The following SPG21 variants were observed in gnomAD, a reference collection of about 807,000 sequenced individuals.
SPG21 encodes maspardin.
Under a neutral mutation model 38.9 loss-of-function variants are expected in SPG21, and 26 were observed. The ratio of observed to expected loss-of-function variants is 0.67; its 90% confidence interval spans 0.49 to 0.93. The LOEUF (loss-of-function observed/expected upper bound fraction) is 0.93, where lower values mean the gene tolerates loss of function less well. Ranked by LOEUF, SPG21 falls within the 40% of genes least tolerant of loss-of-function variation. The pLI is 0.00. For synonymous variants in SPG21, 136 were observed against 128.9 expected (o/e 1.05, Z -0.37); for missense variants, 333 against 376.5 (o/e 0.88, Z 0.96).
chr15:64,974,514 T>C, intron 5 of SPG21, 88 bp downstream of exon 5: 2 of 1,489,300 alleles, frequency 1.3e-6, no homozygotes, highest in Non-Finnish European at 1.9e-6. Context: ...TAGAAGTAGA[T>C]ATAAGTCTTC....
intron 2 of SPG21, chr15:64,982,812 C>G (rs2085908341): frequency 6.6e-6 from 1 of 152,188 alleles, no homozygotes; most frequent in African/African-American, 2.4e-5. Flanking sequence ...TCATTGCAAA[C>G]AGAAGCTCTA....
At chr15:64,986,801 C>A (rs2086004594) in intron 1 of SPG21, among the ~76,000 whole-genome samples, 1 of 152,156 alleles carries the variant, frequency 6.6e-6, no homozygotes, top group African/African-American at 2.4e-5. Flanking sequence ...TTGAAAGCAA[C>A]TAGCACATAT....
chr15:64,985,842 G>A (rs2085981788), intron 1 of SPG21, among the ~76,000 whole-genome samples: 2 of 152,170 alleles, frequency 1.3e-5, no homozygotes. Context: ...GAACCCCGAG[G>A]AGACAGCAGA....
At chr15:64,983,708 T>A in intron 1 of SPG21, 115 bp from the exon 2 acceptor site, 2 of 707,604 alleles carry the variant, frequency 2.8e-6, no homozygotes, top group East Asian at 5.6e-5. Context: ...CCAAGGAAAC[T>A]GGCTATTTTG....
intron 4 of SPG21, among the ~76,000 whole-genome samples, 196 bp from the exon 5 acceptor site, chr15:64,974,943 C>G (rs1157408572): frequency 6.6e-6 from 1 of 152,038 alleles, no homozygotes; most frequent in Non-Finnish European, 1.5e-5. Flanking sequence ...GATAATACAA[C>G]TTGGCATCCA....
chr15:64,965,551 T>C (rs1229431836), intron 7 of SPG21, 91 bp from the exon 8 acceptor site: 13 of 1,562,888 alleles, frequency 8.3e-6, no homozygotes, highest in Non-Finnish European at 1.1e-5. Context: ...TTTAATATGT[T>C]CTTTTCACAT....
intron 3 of SPG21, among the ~76,000 whole-genome samples, chr15:64,979,640 C>T (rs554133176): frequency 1.4e-4 from 21 of 152,134 alleles, no homozygotes; most frequent in African/African-American, 5.1e-4. Flanking sequence ...GTGGTAACCT[C>T]AGTAGAATTT....
intron 3 of SPG21, among the ~76,000 whole-genome samples, chr15:64,980,190 T>C (rs1047667022): frequency 1.6e-4 from 24 of 152,212 alleles, no homozygotes; most frequent in South Asian, 6.2e-4. Context: ...CGGAGCTCAG[T>C]TCCTCCCTCC....
Position 64,978,352 on chromosome 15 carries a change from G to A in SPG21, c.226-1797C>T, listed in dbSNP as rs562008456. On this transcript the variant is annotated intron_variant, in intron 3 of 8. Coordinates refer to ENST00000204566, the MANE Select transcript of SPG21 (RefSeq NM_016630.7). ...TAATCCCAGCTACTGGGGAAGCTGA[G>A]GCATGAGAATTGCTTGAGCCTGAGA... 7.9e-5 allele frequency among the ~76,000 whole-genome samples: 12 copies of A among 152,048 alleles called. No individual in the cohort carries two copies. The East Asian group carries it at 2.4e-3, about 30-fold the overall frequency.
At chr15:64,986,105 C>T (rs1045432708) in intron 1 of SPG21, among the ~76,000 whole-genome samples, 7 of 152,174 alleles carry the variant, frequency 4.6e-5, no homozygotes, top group African/African-American at 1.7e-4. Flanking sequence ...CAGTGGCTCA[C>T]GCCTGTAATC....
intron 5 of SPG21, among the ~76,000 whole-genome samples, chr15:64,970,968 G>T (rs184003185): frequency 0.02 from 3,119 of 152,150 alleles, 72 homozygotes; most frequent in Non-Finnish European, 0.027. Flanking sequence ...GTGAACTCCT[G>T]GCCTCAAGTG....
At position 64,971,636 on chromosome 15, in the gene SPG21, G is replaced by C. The variant is rs1277661200; in HGVS notation, c.453-1414C>G. Among the ~76,000 whole-genome samples, 6 of 151,980 alleles carry C rather than the reference G, an allele frequency of 3.9e-5. No homozygotes were observed. The South Asian group carries it at 1.2e-3, about 32-fold the overall frequency. On this transcript the variant is annotated intron_variant, in intron 5 of 8. Transcript: ENST00000204566. ...GGTGATCACAAGGTCAGGAGTTCAA[G>C]ACCAGCCTGGCCAAGATGGTGAAAC... is the stretch of plus-strand genomic sequence containing the variant.
chr15:64,972,927 C>T (rs538863598), intron 5 of SPG21, among the ~76,000 whole-genome samples: 4 of 152,268 alleles, frequency 2.6e-5, no homozygotes, highest in South Asian at 4.1e-4. Context: ...TTTCCCTATA[C>T]ATTATTTGAA....
intron 3 of SPG21, among the ~76,000 whole-genome samples, chr15:64,976,931 G>A (rs1389466496): frequency 6.6e-6 from 1 of 152,196 alleles, no homozygotes; most frequent in Non-Finnish European, 1.5e-5. Context: ...TTATGGCTCA[G>A]GAGAGATGGA....
rs866599702 is a variant in SPG21, at chr15:64,973,067, G to A, written c.452+1535C>T. 3.3e-5 allele frequency among the ~76,000 whole-genome samples: 5 copies of A among 152,092 alleles called. No individual in the cohort carries two copies. In the East Asian group the frequency reaches 5.8e-4, roughly 18 times the overall value. ...CAGCCTTGAACTCTTGGGCTCAAGCGATCCTCCTGCCTCAGCCTCCTGAGT... is the reference window on the plus strand; with the variant it reads ...CAGCCTTGAACTCTTGGGCTCAAGCAATCCTCCTGCCTCAGCCTCCTGAGT... On this transcript the variant is annotated intron_variant, in intron 5 of 8. Coordinates refer to ENST00000204566, the MANE Select transcript of SPG21 (RefSeq NM_016630.7).
intron 3 of SPG21, among the ~76,000 whole-genome samples, chr15:64,980,258 G>A (rs191581380): frequency 3.3e-5 from 5 of 152,126 alleles, no homozygotes; most frequent in African/African-American, 9.7e-5. Context: ...GAAGGACAAC[G>A]CTTCCTACCG....
In SPG21 at chr15:64,963,728, C is replaced by A. The variant is rs2140402170; in HGVS notation, c.819G>T (p.Leu273Phe). The change falls in exon 9 of 9, where the codon TTG (leucine) becomes TTT (phenylalanine). Residue 273 changes from leucine to phenylalanine, a missense_variant. By Grantham distance (22) the Leu-to-Phe change is conservative. Transcript: ENST00000204566. ...AEVNLYVQIH[L>F]LQFHGTKYAA... ...CGTATTTGGTTCCATGGAATTGCAGCAAATGTATCTGTTGAAATGCAGAAT... is the reference window on the plus strand; with the variant it reads ...CGTATTTGGTTCCATGGAATTGCAGAAAATGTATCTGTTGAAATGCAGAAT... The A allele has an allele frequency of 3.1e-6, 5 of 1,613,562 alleles. No homozygotes were observed. The highest frequency in any genetic ancestry group is 4.2e-6 in the Non-Finnish European group (5 of 1,179,580).
At chr15:64,979,754 C>G (rs370727105) in intron 3 of SPG21, among the ~76,000 whole-genome samples, 15 of 147,532 alleles carry the variant, frequency 1.0e-4, no homozygotes, top group African/African-American at 3.8e-4. Flanking sequence ...GTACCACTTA[C>G]AAGTGAATAC....
chr15:64,965,372 C>T lies in SPG21; in HGVS notation c.758G>A (p.Gly253Glu), dbSNP rs2085521255. Reference sequence around the variant, plus strand: ...TCTGCACAGGTATGGGAAATTGCCTCCTGTTTTCAGATGAGCTCTTCGGGC... The same window carrying T: ...TCTGCACAGGTATGGGAAATTGCCTTCTGTTTTCAGATGAGCTCTTCGGGC... ...PNARRAHLKT[G>E]GNFPYLCRSA... The change falls in exon 8 of 9, where the codon GGA becomes GAA. Residue 253 changes from glycine to glutamate, a missense_variant. Physicochemically the swap from Gly to Glu is moderately conservative, Grantham distance 98 (BLOSUM62 -2). Coordinates refer to ENST00000204566, the MANE Select transcript of SPG21 (RefSeq NM_016630.7). 6.2e-7 allele frequency: 1 copy of T among 1,614,140 alleles called. No homozygotes were observed. The highest frequency in any genetic ancestry group is 1.1e-5 in the South Asian group (1 of 91,090).
Sources: gnomAD v4.1 joint callset for allele counts (sites outside exome capture counted in the v4.1 genomes callset) on GRCh38, gnomAD v4.1.1 for gene constraint, MANE v1.5 for transcripts, NCBI Gene and HGNC (gene_info 2026-07-23, HGNC 2026-07-21) for gene names.